Variants in SCFD2 observed in about 807,000 individuals in gnomAD.
SCFD2 encodes sec1 family domain containing 2.
SCFD2 carries 54 observed loss-of-function variants against 58.9 expected under a neutral mutation model. That is an observed-to-expected ratio of 0.92 (90% CI 0.74 to 1.15). The LOEUF is 1.15. Among genes scored for constraint, SCFD2 ranks in the 50% most tolerant of loss-of-function variants. The pLI, the probability that SCFD2 is intolerant of heterozygous loss-of-function variation, is 0.00. For missense variants in SCFD2, 805 were observed against 836.6 expected, an observed-to-expected ratio of 0.96 and a Z score of 0.47; for synonymous variants, 321 against 335.9, an observed-to-expected ratio of 0.96 and a Z score of 0.49.
At chr4:53,277,512 A>G (rs1294840843) in intron 3 of SCFD2, among the ~76,000 whole-genome samples, 1 of 152,196 alleles carries the variant, frequency 6.6e-6, no homozygotes, top group Non-Finnish European at 1.5e-5. Flanking sequence ...AGAAAAATAC[A>G]AAATGTCTTG....
chr4:53,197,118 C>CGG (rs1728081884), intron 4 of SCFD2, among the ~76,000 whole-genome samples: 1 of 151,922 alleles, frequency 6.6e-6, no homozygotes, highest in Non-Finnish European at 1.5e-5. Flanking sequence ...CAAAGCATGG[C>CGG]GGGGGAGGAA....
intron 5 of SCFD2, among the ~76,000 whole-genome samples, chr4:53,031,196 G>T (rs1289273356): frequency 1.3e-5 from 2 of 152,096 alleles, no homozygotes; most frequent in African/African-American, 4.8e-5. Flanking sequence ...GGGCTTGTTA[G>T]AAGGGAAACT....
intron 4 of SCFD2, among the ~76,000 whole-genome samples, chr4:53,175,692 C>T (rs756458310): frequency 3.9e-5 from 6 of 152,148 alleles, no homozygotes; most frequent in Non-Finnish European, 7.3e-5. Flanking sequence ...ATTTATTGGA[C>T]CTCATGACTA....
chr4:53,237,094 G>T (rs1024094724), intron 4 of SCFD2, among the ~76,000 whole-genome samples: 5 of 149,216 alleles, frequency 3.4e-5, no homozygotes, highest in African/African-American at 7.5e-5. Context: ...ATCTTGCACC[G>T]CCCTTAATCC....
chr4:53,199,667 A>C (rs1728165955), intron 4 of SCFD2, among the ~76,000 whole-genome samples: 1 of 152,130 alleles, frequency 6.6e-6, no homozygotes, highest in Non-Finnish European at 1.5e-5. Flanking sequence ...CTTAGCAGCA[A>C]GACTTGATGA....
chr4:53,254,493 T>A (rs192232340), intron 4 of SCFD2, among the ~76,000 whole-genome samples: 2 of 152,086 alleles, frequency 1.3e-5, no homozygotes, highest in Admixed American at 1.3e-4. Context: ...TTTCTTTTTT[T>A]TTTTGTTTTA....
At chr4:53,045,343 T>C (rs556814829) in intron 5 of SCFD2, among the ~76,000 whole-genome samples, 162 of 152,278 alleles carry the variant, frequency 1.1e-3, no homozygotes, top group African/African-American at 3.8e-3. Context: ...ACCCCATAAG[T>C]ATGGTATGGG....
chr4:53,317,639 C>T (rs1461872412), intron 2 of SCFD2, among the ~76,000 whole-genome samples: 1 of 152,166 alleles, frequency 6.6e-6, no homozygotes, highest in Non-Finnish European at 1.5e-5. Context: ...ATAAGCAATA[C>T]AGAGAGGACT....
chr4:52,907,399 C>T (rs749034262), intron 7 of SCFD2, 58 bp downstream of exon 7: 50 of 1,575,718 alleles, frequency 3.2e-5, no homozygotes, highest in Non-Finnish European at 4.3e-5. Flanking sequence ...CCAGCATTTT[C>T]ATGCCCAGCA....
At chr4:53,254,948 C>A (rs1730550487) in intron 4 of SCFD2, among the ~76,000 whole-genome samples, 1 of 150,386 alleles carries the variant, frequency 6.6e-6, no homozygotes, top group African/African-American at 2.4e-5. Flanking sequence ...TCTTGGCTCA[C>A]TGCAAGCTCC....
At chr4:53,128,501 G>A (rs916595207) in intron 5 of SCFD2, among the ~76,000 whole-genome samples, 2 of 152,094 alleles carry the variant, frequency 1.3e-5, no homozygotes, top group Non-Finnish European at 2.9e-5. Context: ...AATATAATGT[G>A]CAGCCTCCCA....
intron 5 of SCFD2, among the ~76,000 whole-genome samples, chr4:53,000,308 A>G (rs754470637): frequency 4.6e-5 from 7 of 152,214 alleles, no homozygotes; most frequent in Non-Finnish European, 1.0e-4. Flanking sequence ...TTTGCTCTCT[A>G]TATCTAAAAA....
At chr4:53,245,913 C>A (rs1159572860) in intron 4 of SCFD2, among the ~76,000 whole-genome samples, 1 of 152,046 alleles carries the variant, frequency 6.6e-6, no homozygotes, top group Non-Finnish European at 1.5e-5. Context: ...GTCAAACTAC[C>A]CCTGTTTGCA....
intron 6 of SCFD2, among the ~76,000 whole-genome samples, chr4:52,919,851 A>G (rs1335642743): frequency 1.3e-5 from 2 of 152,262 alleles, no homozygotes; most frequent in Non-Finnish European, 2.9e-5. Flanking sequence ...TTAAAGAGTC[A>G]GCACCCTGAA....
At chr4:53,346,210 G>C (rs1010230417) in intron 2 of SCFD2, among the ~76,000 whole-genome samples, 9 of 151,608 alleles carry the variant, frequency 5.9e-5, no homozygotes, top group Non-Finnish European at 1.2e-4. Flanking sequence ...GTACTAAAAT[G>C]AAGTAGATAA....
In SCFD2 at chr4:53,171,972, TTTA is replaced by T. The variant is rs1448382460; in HGVS notation, c.1312-26393_1312-26391del. On this transcript the variant is annotated intron_variant, in intron 4 of 8. Coordinates refer to ENST00000401642, the MANE Select transcript of SCFD2 (RefSeq NM_152540.4). ...ATTGATTTGATTATTTATTTATTTATTTATTTTTATTTTTATTTTATTTATTTA... is the reference window on the plus strand; with the variant it reads ...ATTGATTTGATTATTTATTTATTTATTTTTTATTTTTATTTTATTTATTTA... Among the ~76,000 whole-genome samples the T allele has an allele frequency of 4.0e-5, 6 of 149,196 alleles. No homozygotes were observed. The South Asian group carries it at 1.3e-3, about 31-fold the overall frequency.
At chr4:53,000,716 C>T (rs915488327) in intron 5 of SCFD2, among the ~76,000 whole-genome samples, 1 of 152,200 alleles carries the variant, frequency 6.6e-6, no homozygotes, top group African/African-American at 2.4e-5. Context: ...TAGATTTGTA[C>T]CAGCAGAGAG....
chr4:53,265,008 TAAAGA>T (rs1031841416), intron 4 of SCFD2, among the ~76,000 whole-genome samples: 1 of 152,146 alleles, frequency 6.6e-6, no homozygotes, highest in African/African-American at 2.4e-5. Context: ...AAATTCTACC[TAAAGA>T]AATAACTGGA....
chr4:53,136,030 C>T (rs561510749), intron 5 of SCFD2, among the ~76,000 whole-genome samples: 2 of 152,188 alleles, frequency 1.3e-5, no homozygotes, highest in Non-Finnish European at 2.9e-5. Context: ...AACTTCAGCA[C>T]TGTCTTTAAA....
Sources: allele counts gnomAD v4.1 joint callset (sites outside exome capture counted in the v4.1 genomes callset), GRCh38; gene constraint gnomAD v4.1.1; transcripts MANE v1.5; gene names NCBI Gene and HGNC (gene_info 2026-07-23, HGNC 2026-07-21).